Variants in FNTB observed in about 807,000 individuals in gnomAD.
FNTB encodes farnesyltransferase, CAAX box, subunit beta, also known as protein farnesyltransferase subunit beta.
Under a neutral mutation model 59.4 loss-of-function variants are expected in FNTB, and 27 were observed. That is an observed-to-expected ratio of 0.45 (90% confidence interval 0.34 to 0.63). The LOEUF (loss-of-function observed/expected upper bound fraction) is 0.63, where lower values mean the gene tolerates loss of function less well. FNTB is among the 20% of genes least tolerant of loss of function. The probability of loss-of-function intolerance (pLI) is 0.02; values close to 1 mark genes in which losing one functional copy is unlikely to be tolerated. For synonymous variants in FNTB, 230 were observed against 220.7 expected (o/e 1.04, Z -0.37); for missense variants, 449 against 559.6 (o/e 0.80, Z 1.99).
Position 65,015,681 on chromosome 14 carries a change from G to A in FNTB, c.339G>A (p.Leu113=). 6.2e-7 allele frequency: 1 copy of A among 1,614,132 alleles called. No individual in the cohort carries two copies. The highest frequency in any genetic ancestry group is 8.5e-7 in the Non-Finnish European group (1 of 1,180,018). The change falls in exon 4 of 12, where the codon CTG becomes CTA. Residue 113 remains leucine, a synonymous_variant. Coordinates refer to ENST00000246166, the MANE Select transcript of FNTB (RefSeq NM_002028.4). ...LCYWILHSLE[L]LDEPIPQIVA... ...ATTGGATCCTGCACAGCTTGGAACT[G>A]CTAGATGAACCCATCCCCCAGATAG...
In FNTB at chr14:64,990,463, C is replaced by T. The variant is rs1026279285; in HGVS notation, c.144+3366C>T. 6.6e-6 allele frequency among the ~76,000 whole-genome samples: 1 copy of T among 152,148 alleles called. No individual in the cohort carries two copies. Among genetic ancestry groups the T allele is most frequent in the Non-Finnish European group, 1.5e-5 (1 of 68,028 alleles). On this transcript the variant is annotated intron_variant, in intron 1 of 11. Transcript: ENST00000246166. This position sits in a 1 kb window ranked among gnomAD's most constrained non-coding sequence, Gnocchi z 5.2. ...TTAAGGTCACATTTCCTGTCATGTG[C>T]CTTCTCTGCGGAGCTCTTTGTCTCC...
chr14:65,050,663 A>G (rs1468674904), intron 9 of FNTB, among the ~76,000 whole-genome samples: 2 of 152,236 alleles, frequency 1.3e-5, no homozygotes, highest in African/African-American at 2.4e-5. Flanking sequence ...GTAGCTATAT[A>G]AAGTCTTTGT....
Position 65,015,728 on chromosome 14 carries a change from T to C in FNTB, c.374+12T>C. The stretch of plus-strand genomic sequence containing the variant: ...ATAGTGGCTACAGAGTGAGTCTGTC[T>C]TTGGGAAATCTGGGGTGTTCTCTGA... On this transcript the variant is annotated intron_variant, in intron 4 of 11. Coordinates refer to ENST00000246166, the MANE Select transcript of FNTB (RefSeq NM_002028.4). 6.2e-7 allele frequency: 1 copy of C among 1,612,672 alleles called. No individual in the cohort carries two copies.
In FNTB at chr14:65,040,765, T is replaced by C. The variant is rs753303063; in HGVS notation, c.693-25T>C. 4 of 1,607,956 alleles carry C rather than the reference T, an allele frequency of 2.5e-6. 1 individual carries two copies. Among genetic ancestry groups the C allele is most frequent in the Non-Finnish European group, 3.4e-6 (4 of 1,176,570 alleles). On this transcript the variant is annotated intron_variant, in intron 7 of 11. Coordinates refer to ENST00000246166, the MANE Select transcript of FNTB (RefSeq NM_002028.4). ...GTACGTCCACTCACTGGCCACTCAT[T>C]CTGCTTTTCTCAATCTCTTCTTAGG... is the stretch of plus-strand genomic sequence containing the variant.
At chr14:65,043,794 A>G (rs1360214794) in intron 8 of FNTB, among the ~76,000 whole-genome samples, 1 of 131,836 alleles carries the variant, frequency 7.6e-6, no homozygotes, top group South Asian at 2.7e-4. Context: ...TGCAGTCCGC[A>G]GTCCGGCCTG....
At chr14:65,056,640 C>T (rs757163107) in intron 11 of FNTB, among the ~76,000 whole-genome samples, 3 of 152,100 alleles carry the variant, frequency 2.0e-5, no homozygotes, top group Non-Finnish European at 2.9e-5. Flanking sequence ...AATTGTCTGC[C>T]AGTTCATATT....
At chr14:65,061,024 G>A (rs1376709477) in intron 11 of FNTB, among the ~76,000 whole-genome samples, 157 bp from the exon 12 acceptor site, 1 of 152,062 alleles carries the variant, frequency 6.6e-6, no homozygotes, top group Non-Finnish European at 1.5e-5. Context: ...GTACTAGATA[G>A]TTTTAGCAAA....
intron 10 of FNTB, among the ~76,000 whole-genome samples, chr14:65,053,765 A>G: frequency 6.6e-6 from 1 of 152,146 alleles, no homozygotes; most frequent in South Asian, 2.1e-4. Context: ...GAGATGGCTT[A>G]TGTGTTAGAA....
At chr14:65,037,741 ATTAT>A (rs201126999) in intron 7 of FNTB, among the ~76,000 whole-genome samples, 6,365 of 131,472 alleles carry the variant, frequency 0.048, 241 homozygotes, top group African/African-American at 0.082. Flanking sequence ...TTATTTATTT[ATTAT>A]TTATTTATTT....
chr14:65,044,077 G>C lies in FNTB; in HGVS notation c.823-234G>C, dbSNP rs887780052. On this transcript the variant is annotated intron_variant, in intron 8 of 11. Transcript: ENST00000246166. This position sits in a 1 kb window ranked among gnomAD's most constrained non-coding sequence, Gnocchi z 5.5. ...CCAGGAAAAGGTAGTTGTCTGCCAG[G>C]CATTGAGCAGAGATCAGTGCTGGAT... 6.6e-6 allele frequency among the ~76,000 whole-genome samples: 1 copy of C among 152,152 alleles called. No homozygotes were observed. Among genetic ancestry groups the C allele is most frequent in the Admixed American group, 6.5e-5 (1 of 15,270 alleles).
chr14:65,053,720 A>G (rs940276653), intron 10 of FNTB, among the ~76,000 whole-genome samples: 3 of 152,142 alleles, frequency 2.0e-5, no homozygotes, highest in African/African-American at 4.8e-5. Flanking sequence ...CATGACAACT[A>G]TTATAGAGTG....
chr14:65,054,776 T>C lies in FNTB; in HGVS notation c.1182+87T>C. 1 of 1,412,290 alleles carries C rather than the reference T, an allele frequency of 7.1e-7. No individual in the cohort carries two copies. The highest frequency in any genetic ancestry group is 1.4e-5 in the African/African-American group (1 of 70,434). The allele number at this position is 1,412,290 out of a possible 1,614,324, so 87.5% of individuals were successfully genotyped here. ...CCAAGTAAGCAGAACTGGCTCTGCA[T>C]TTCCTGTGTGGACAGGCGGAAGCTT... On this transcript the variant is annotated intron_variant, in intron 11 of 11. Coordinates refer to ENST00000246166, the MANE Select transcript of FNTB (RefSeq NM_002028.4). The surrounding 1 kb of genome is among the most constrained non-coding windows in gnomAD (Gnocchi z 4.4).
At chr14:65,022,840 C>T (rs1367166905) in intron 4 of FNTB, among the ~76,000 whole-genome samples, 1 of 152,174 alleles carries the variant, frequency 6.6e-6, no homozygotes, top group Non-Finnish European at 1.5e-5. Context: ...TATTACTGGT[C>T]TTTTCCTGCT....
At chr14:65,037,772 A>T (rs1383336443) in intron 7 of FNTB, among the ~76,000 whole-genome samples, 1 of 141,146 alleles carries the variant, frequency 7.1e-6, no homozygotes, top group East Asian at 2.1e-4. Context: ...TTATTTATTT[A>T]TTTATTTATT....
intron 1 of FNTB, among the ~76,000 whole-genome samples, chr14:64,992,297 T>A (rs955658377): frequency 2.6e-5 from 4 of 152,202 alleles, no homozygotes; most frequent in Non-Finnish European, 4.4e-5. Context: ...TACTTTTAGG[T>A]ATATAAGTGA....
intron 11 of FNTB, among the ~76,000 whole-genome samples, chr14:65,057,256 GT>G (rs1445294404): frequency 6.6e-6 from 1 of 152,184 alleles, no homozygotes; most frequent in East Asian, 1.9e-4. Context: ...TGTTTTTGGT[GT>G]TTTTTTGTTA....
intron 8 of FNTB, among the ~76,000 whole-genome samples, chr14:65,041,584 C>A (rs2062355104): frequency 6.6e-6 from 1 of 152,208 alleles, no homozygotes; most frequent in Admixed American, 6.5e-5. Context: ...AGCAAACCAG[C>A]TGCAACTGAC....
At chr14:65,003,595 C>T (rs984705775) in intron 1 of FNTB, 22 of 152,160 alleles carry the variant, frequency 1.4e-4, no homozygotes, top group African/African-American at 5.1e-4. Context: ...TCTAGAACTC[C>T]AGCTTCTAAA....
In FNTB at chr14:65,027,760, T is replaced by G; in HGVS notation, c.584T>G (p.Val195Gly). ...CCTGACGGCTCCTTTCTCATGCATG[T>G]CGGAGGTGAGGTGGATGTGAGGTGA... Reference protein sequence around the residue: ...KQPDGSFLMHVGGEVDVRSAY... With the variant: ...KQPDGSFLMHGGGEVDVRSAY... Residue 195 changes from valine to glycine, a missense_variant, in exon 6 of 12, where the codon GTC (valine) becomes GGC (glycine). Around this residue, in one of 2 missense-constraint regions of FNTB, gnomAD observed 337 missense variants for 479.1 expected, o/e 0.70. Coordinates refer to ENST00000246166, the MANE Select transcript of FNTB (RefSeq NM_002028.4). The surrounding 1 kb of genome is among the most constrained non-coding windows in gnomAD (Gnocchi z 5.7). 1 of 1,614,076 alleles carries G rather than the reference T, an allele frequency of 6.2e-7. No homozygotes were observed. The highest frequency in any genetic ancestry group is 8.5e-7 in the Non-Finnish European group (1 of 1,180,012).
Sources: gnomAD v4.1 joint callset for allele counts (sites outside exome capture counted in the v4.1 genomes callset) on GRCh38, gnomAD v4.1.1 for gene constraint, gnomAD v4.1.1 regional missense constraint, Gnocchi (gnomAD v3.1) non-coding constraint, MANE v1.5 for transcripts, NCBI Gene and HGNC (gene_info 2026-07-23, HGNC 2026-07-21) for gene names.